Variants in GLRA2 observed in about 807,000 individuals in gnomAD.
GLRA2 encodes glycine receptor subunit alpha-2.
In GLRA2, 11 loss-of-function variants were observed where a neutral mutation model predicts 31.6. The ratio of observed to expected loss-of-function variants is 0.35; its 90% confidence interval spans 0.22 to 0.58. GLRA2 has a LOEUF of 0.58. GLRA2 is among the 20% of genes least tolerant of loss of function. The probability of loss-of-function intolerance (pLI) is 0.84; values close to 1 mark genes in which losing one functional copy is unlikely to be tolerated. For missense variants in GLRA2, 212 were observed against 351.8 expected (o/e 0.60, Z 3.18); for synonymous variants, 132 against 134.0 (o/e 0.99, Z 0.10).
chrX:14,493,703 A>G, the GLRA2 span, among the ~76,000 whole-genome samples: 1 of 96,139 alleles, frequency 1.0e-5, no homozygotes, highest in Non-Finnish European at 2.0e-5. Flanking sequence ...GTATATATGT[A>G]TACACATGTA....
At chrX:14,514,805 TC>T in the GLRA2 span, among the ~76,000 whole-genome samples, 1 of 111,614 alleles carries the variant, frequency 9.0e-6, no homozygotes, top group African/African-American at 3.3e-5. Context: ...GGTTTTTCTT[TC>T]TGCTTTATTC....
rs1420045466 is a variant in GLRA2, at chrX:14,576,155, G to A, written c.270+1755G>A. Among the ~76,000 whole-genome samples, 5 of 109,626 alleles carry A rather than the reference G, an allele frequency of 4.6e-5. No homozygotes were observed. The Admixed American group carries it at 4.9e-4, about 11-fold the overall frequency. Reference sequence around the variant, plus strand: ...TTAATAAATTACTGTTCTTTGTGGTGTCCTTCATGTTAGGAAGAATTAATT... The same window carrying A: ...TTAATAAATTACTGTTCTTTGTGGTATCCTTCATGTTAGGAAGAATTAATT... On this transcript the variant is annotated intron_variant, in intron 3 of 8. Coordinates refer to ENST00000218075, the MANE Select transcript of GLRA2 (RefSeq NM_002063.4).
At chrX:14,723,077 T>A (rs2091885221) in intron 8 of GLRA2, among the ~76,000 whole-genome samples, 1 of 112,344 alleles carries the variant, frequency 8.9e-6, no homozygotes, top group Non-Finnish European at 1.9e-5. Context: ...AGTCATGCAT[T>A]AAAATATAAC....
intron 2 of GLRA2, among the ~76,000 whole-genome samples, chrX:14,547,288 T>A (rs1414729841): frequency 9.0e-6 from 1 of 111,227 alleles, no homozygotes; most frequent in Non-Finnish European, 1.9e-5. Flanking sequence ...GAAGCTGAGC[T>A]GTCACCCAAG....
the GLRA2 span, among the ~76,000 whole-genome samples, chrX:14,458,680 G>T: frequency 8.9e-6 from 1 of 112,199 alleles, no homozygotes; most frequent in African/African-American, 3.2e-5. Context: ...CTTTTGAGAA[G>T]TGTCTGTTCA....
At chrX:14,700,965 G>A (rs2091532316) in intron 8 of GLRA2, among the ~76,000 whole-genome samples, 1 of 110,137 alleles carries the variant, frequency 9.1e-6, no homozygotes, top group African/African-American at 3.3e-5. Flanking sequence ...TATTCCTTCT[G>A]ATAACTGGGA....
At chrX:14,630,763 G>A (rs1029293855) in intron 7 of GLRA2, among the ~76,000 whole-genome samples, 2 of 108,553 alleles carry the variant, frequency 1.8e-5, no homozygotes, top group Non-Finnish European at 3.8e-5. Context: ...CAAGATCATG[G>A]CATTGGCAGG....
chrX:14,458,558 G>A, the GLRA2 span, among the ~76,000 whole-genome samples: 16 of 111,986 alleles, frequency 1.4e-4, no homozygotes, highest in African/African-American at 4.2e-4. Flanking sequence ...TTTAATGGTC[G>A]CCATTCTAAC....
At chrX:14,460,415 T>G in the GLRA2 span, among the ~76,000 whole-genome samples, 2 of 112,102 alleles carry the variant, frequency 1.8e-5, no homozygotes, top group East Asian at 5.6e-4. Context: ...TTCCCTCTTT[T>G]TCTATTGATC....
chrX:14,685,366 G>C (rs1183352002), intron 7 of GLRA2, among the ~76,000 whole-genome samples: 1 of 111,695 alleles, frequency 9.0e-6, no homozygotes, highest in Non-Finnish European at 1.9e-5. Flanking sequence ...TTTTTCTATT[G>C]ATGGCAATAG....
At chrX:14,552,658 T>C (rs1436687241) in intron 2 of GLRA2, among the ~76,000 whole-genome samples, 3 of 111,867 alleles carry the variant, frequency 2.7e-5, no homozygotes, top group African/African-American at 9.8e-5. Context: ...TTGAGAGGTA[T>C]GCATCAACCC....
intron 7 of GLRA2, among the ~76,000 whole-genome samples, chrX:14,619,111 C>T (rs1173851354): frequency 9.0e-6 from 1 of 111,132 alleles, no homozygotes; most frequent in African/African-American, 3.3e-5. Flanking sequence ...CAGGATTATG[C>T]ACAGCCAGGA....
chrX:14,461,453 T>C, the GLRA2 span, among the ~76,000 whole-genome samples: 1 of 111,745 alleles, frequency 8.9e-6, no homozygotes, highest in African/African-American at 3.3e-5. Context: ...TGGAGTATTA[T>C]AGTCTCCCAT....
chrX:14,547,707 C>T (rs1216517864), intron 2 of GLRA2, among the ~76,000 whole-genome samples: 1 of 111,491 alleles, frequency 9.0e-6, no homozygotes, highest in Non-Finnish European at 1.9e-5. Context: ...TTTCTCTCTA[C>T]CATCCCTGCC....
chrX:14,667,313 C>CT (rs923144367), intron 7 of GLRA2, among the ~76,000 whole-genome samples: 2 of 112,025 alleles, frequency 1.8e-5, no homozygotes, highest in African/African-American at 6.5e-5. Flanking sequence ...ATTCATAATA[C>CT]TTTTTTTCTA....
intron 8 of GLRA2, among the ~76,000 whole-genome samples, chrX:14,726,793 G>T (rs1303160642): frequency 8.9e-6 from 1 of 112,446 alleles, no homozygotes; most frequent in Admixed American, 9.4e-5. Context: ...ACGTGGACAT[G>T]TATATTTAAG....
At chrX:14,493,606 C>CATATATACAT in the GLRA2 span, among the ~76,000 whole-genome samples, 6 of 99,344 alleles carry the variant, frequency 6.0e-5, no homozygotes, top group African/African-American at 2.4e-4. Flanking sequence ...CATATATACA[C>CATATATACAT]ATATACACAT....
intron 7 of GLRA2, among the ~76,000 whole-genome samples, chrX:14,681,484 A>G (rs771981299): frequency 9.0e-6 from 1 of 111,426 alleles, no homozygotes; most frequent in East Asian, 2.8e-4. Flanking sequence ...CTGCCTATGC[A>G]CTATTTGCTA....
At chrX:14,613,943 A>T (rs928238977) in intron 7 of GLRA2, among the ~76,000 whole-genome samples, 2 of 112,044 alleles carry the variant, frequency 1.8e-5, no homozygotes, top group Admixed American at 1.9e-4. Flanking sequence ...ATAGACAGCT[A>T]AAGTATCAGT....
Sources: allele counts gnomAD v4.1 joint callset (sites outside exome capture counted in the v4.1 genomes callset), GRCh38; gene constraint gnomAD v4.1.1; transcripts MANE v1.5; gene names NCBI Gene and HGNC (gene_info 2026-07-23, HGNC 2026-07-21).